Variants in CWC27 observed in about 807,000 individuals in gnomAD.
CWC27 encodes CWC27 spliceosome associated cyclophilin.
A neutral mutation model predicts 63.6 loss-of-function variants in CWC27; 47 were observed. The ratio of observed to expected loss-of-function variants is 0.74; its 90% CI spans 0.58 to 0.94. CWC27 has a LOEUF of 0.94. CWC27 is among the 40% of genes least tolerant of loss of function. The pLI is 0.00. For synonymous variants in CWC27, 175 were observed against 179.8 expected, an observed-to-expected ratio of 0.97 and a Z score of 0.22; for missense variants, 495 against 554.3, an observed-to-expected ratio of 0.89 and a Z score of 1.07.
intron 10 of CWC27, among the ~76,000 whole-genome samples, chr5:64,872,176 TGAG>T (rs766597302): frequency 2.0e-5 from 3 of 152,126 alleles, no homozygotes; most frequent in African/African-American, 7.2e-5. Context: ...CTTTGAGTTA[TGAG>T]GAGAAGGGAA....
intron 11 of CWC27, among the ~76,000 whole-genome samples, chr5:64,891,570 T>C (rs61416443): frequency 1.2e-4 from 18 of 152,300 alleles, no homozygotes; most frequent in African/African-American, 3.1e-4. Context: ...ATAAAGTACT[T>C]TCTTCTTTTT....
chr5:64,848,716 A>C (rs909734196), intron 10 of CWC27, among the ~76,000 whole-genome samples: 1 of 152,232 alleles, frequency 6.6e-6, no homozygotes, highest in African/African-American at 2.4e-5. Context: ...ACATCACATT[A>C]ACAAAATGAA....
intron 10 of CWC27, among the ~76,000 whole-genome samples, chr5:64,824,555 G>C (rs1026770634): frequency 2.6e-5 from 4 of 152,056 alleles, no homozygotes; most frequent in Non-Finnish European, 5.9e-5. Flanking sequence ...TGGAATGTGA[G>C]TATGGGCTGA....
intron 12 of CWC27, among the ~76,000 whole-genome samples, chr5:64,973,091 G>A (rs1749154744): frequency 6.6e-6 from 1 of 152,172 alleles, no homozygotes; most frequent in African/African-American, 2.4e-5. Context: ...GTGCGTACAT[G>A]AAAAGTCTTC....
intron 10 of CWC27, among the ~76,000 whole-genome samples, chr5:64,845,379 C>A (rs1022888992): frequency 9.2e-5 from 14 of 151,970 alleles, no homozygotes; most frequent in African/African-American, 3.4e-4. Context: ...CAGTAATGGA[C>A]CCCAAAGAAA....
chr5:64,887,454 G>A (rs1380777740), intron 11 of CWC27, among the ~76,000 whole-genome samples: 4 of 152,022 alleles, frequency 2.6e-5, no homozygotes, highest in Non-Finnish European at 5.9e-5. Context: ...TGCAACCCCC[G>A]CCTTCGGGTT....
intron 13 of CWC27, among the ~76,000 whole-genome samples, chr5:64,984,108 C>CA (rs1749375928): frequency 6.6e-6 from 1 of 152,222 alleles, no homozygotes; most frequent in African/African-American, 2.4e-5. Flanking sequence ...GCTGGGATTA[C>CA]AGGCATGAGC....
At chr5:64,789,920 A>G in intron 7 of CWC27, among the ~76,000 whole-genome samples, 1 of 149,880 alleles carries the variant, frequency 6.7e-6, no homozygotes, top group Non-Finnish European at 1.5e-5. Context: ...AACTCTAACA[A>G]TAACATTGAA....
rs1190363977 is a variant in CWC27, at chr5:64,963,282, G to T, written c.1043-8421G>T. On this transcript the variant is annotated intron_variant, in intron 11 of 13. Coordinates refer to ENST00000381070, the MANE Select transcript of CWC27 (RefSeq NM_005869.4). ...TGGCCAGTAAAGAGATTTTTTTAAA[G>T]AAATAAAAATCATAATAAAAAATTA... is the stretch of plus-strand genomic sequence containing the variant. Among the ~76,000 whole-genome samples, 7 of 151,718 alleles carry T rather than the reference G, an allele frequency of 4.6e-5. No individual in the cohort carries two copies. In the East Asian group the frequency reaches 1.4e-3, roughly 29 times the overall value.
chr5:64,829,692 A>G (rs1383497850), intron 10 of CWC27, among the ~76,000 whole-genome samples: 1 of 144,572 alleles, frequency 6.9e-6, no homozygotes, highest in Non-Finnish European at 1.5e-5. Context: ...TGTACAGAAC[A>G]TGCAGGTTTG....
chr5:64,786,691 T>C, intron 6 of CWC27, 64 bp downstream of exon 6: 1 of 947,022 alleles, frequency 1.1e-6, no homozygotes, highest in Non-Finnish European at 1.6e-6. Context: ...TAGTTTACTA[T>C]ATTTCCTTTT....
chr5:64,831,305 G>A (rs1289104750), intron 10 of CWC27, among the ~76,000 whole-genome samples: 1 of 151,848 alleles, frequency 6.6e-6, no homozygotes, highest in Non-Finnish European at 1.5e-5. Context: ...TAGGGAAGTT[G>A]AAAATCCCTA....
At chr5:64,837,907 C>T (rs1482036271) in intron 10 of CWC27, among the ~76,000 whole-genome samples, 1 of 152,078 alleles carries the variant, frequency 6.6e-6, no homozygotes, top group Non-Finnish European at 1.5e-5. Context: ...TTTTGGATGT[C>T]ATACCTAAAA....
At chr5:64,786,937 A>T (rs1043838471) in intron 6 of CWC27, among the ~76,000 whole-genome samples, 1 of 152,218 alleles carries the variant, frequency 6.6e-6, no homozygotes, top group African/African-American at 2.4e-5. Context: ...ACAATTTCAC[A>T]TGGCTAGGGA....
At chr5:64,777,614 A>G (rs1410680346) in intron 2 of CWC27, among the ~76,000 whole-genome samples, 2 of 152,142 alleles carry the variant, frequency 1.3e-5, no homozygotes, top group African/African-American at 2.4e-5. Context: ...TCAAATAGGA[A>G]CTTTGTTTCA....
At chr5:64,944,797 C>T (rs916069107) in intron 11 of CWC27, among the ~76,000 whole-genome samples, 5 of 152,110 alleles carry the variant, frequency 3.3e-5, no homozygotes, top group Admixed American at 1.3e-4. Flanking sequence ...TACAAGTGAC[C>T]TCTGAAAGTC....
chr5:64,786,307 T>TA (rs1020134911), intron 5 of CWC27, among the ~76,000 whole-genome samples: 5 of 152,116 alleles, frequency 3.3e-5, no homozygotes, highest in African/African-American at 1.2e-4. Flanking sequence ...AAAATGGGGA[T>TA]AAAATATCCC....
At chr5:64,985,269 A>G (rs182171959) in intron 13 of CWC27, among the ~76,000 whole-genome samples, 61 of 152,160 alleles carry the variant, frequency 4.0e-4, no homozygotes, top group African/African-American at 1.5e-3. Context: ...TGCCCTTTCC[A>G]TAAAAGTTTT....
chr5:64,955,778 A>C (rs1748792701), intron 11 of CWC27, among the ~76,000 whole-genome samples: 1 of 152,208 alleles, frequency 6.6e-6, no homozygotes, highest in Non-Finnish European at 1.5e-5. Context: ...ACAACTGGAT[A>C]TGGTGCTTTC....
Sources: gnomAD v4.1 joint callset for allele counts (sites outside exome capture counted in the v4.1 genomes callset) on GRCh38, gnomAD v4.1.1 for gene constraint, MANE v1.5 for transcripts, NCBI Gene and HGNC (gene_info 2026-07-23, HGNC 2026-07-21) for gene names.